EDAR: variants seen among roughly 807,000 people sequenced by gnomAD.
EDAR encodes ectodysplasin A receptor, also known as tumor necrosis factor receptor superfamily member EDAR.
In EDAR, 38 loss-of-function variants were observed where a neutral mutation model predicts 51.3. That is an observed-to-expected ratio of 0.74 (90% CI 0.57 to 0.97). The LOEUF is 0.97. EDAR is among the 50% of genes least tolerant of loss of function. The pLI, the probability that EDAR is intolerant of heterozygous loss-of-function variation, is 0.00. For missense variants in EDAR, 528 were observed against 595.0 expected, an observed-to-expected ratio of 0.89 and a Z score of 1.17; for synonymous variants, 227 against 242.1, an observed-to-expected ratio of 0.94 and a Z score of 0.58.
chr2:108,976,446 G>C (rs1018181252), intron 1 of EDAR, among the ~76,000 whole-genome samples: 2 of 152,196 alleles, frequency 1.3e-5, no homozygotes, highest in Non-Finnish European at 2.9e-5. Context: ...ATGAAGCAGT[G>C]ACTGGCAGGA....
intron 1 of EDAR, among the ~76,000 whole-genome samples, chr2:108,980,143 C>A (rs1158961947): frequency 6.6e-6 from 1 of 152,102 alleles, no homozygotes; most frequent in Non-Finnish European, 1.5e-5. Flanking sequence ...AAGTCACTCA[C>A]CACTTTCTCT....
chr2:108,959,077 C>T (rs537944020), intron 1 of EDAR, among the ~76,000 whole-genome samples: 6 of 152,318 alleles, frequency 3.9e-5, no homozygotes, highest in East Asian at 3.9e-4. Flanking sequence ...GCCAGAAAAA[C>T]GTGTATCAAC....
intron 1 of EDAR, among the ~76,000 whole-genome samples, chr2:108,955,155 A>G (rs1697895241): frequency 1.3e-5 from 2 of 152,184 alleles, no homozygotes; most frequent in Non-Finnish European, 2.9e-5. Flanking sequence ...TTTACTAGCT[A>G]TGCAACTTTG....
intron 6 of EDAR, among the ~76,000 whole-genome samples, chr2:108,911,394 G>C (rs903272636): frequency 6.6e-6 from 1 of 152,176 alleles, no homozygotes; most frequent in Non-Finnish European, 1.5e-5. Flanking sequence ...TGGAGAGGAA[G>C]AAAGGCCAGT....
chr2:108,975,595 C>T (rs1156403864), intron 1 of EDAR, among the ~76,000 whole-genome samples: 1 of 152,166 alleles, frequency 6.6e-6, no homozygotes, highest in East Asian at 1.9e-4. Flanking sequence ...GGAAGCAGGG[C>T]AGCAGCTTTG....
Position 108,921,696 on chromosome 2 carries a change from C to G in EDAR, c.442+1672G>C, listed in dbSNP as rs570307115. Among the ~76,000 whole-genome samples, 4 of 152,284 alleles carry G rather than the reference C, an allele frequency of 2.6e-5. No individual in the cohort carries two copies. The South Asian group carries it at 8.3e-4, about 32-fold the overall frequency. On this transcript the variant is annotated intron_variant, in intron 5 of 11. Coordinates refer to ENST00000258443, the MANE Select transcript of EDAR (RefSeq NM_022336.4). ...AGTAAAGAGATCTCTGGATTGAGAC[C>G]AGGGCAGGCCCAGGGGTGGAGGGCA...
At chr2:108,966,204 T>C (rs1698148374) in intron 1 of EDAR, among the ~76,000 whole-genome samples, 1 of 152,218 alleles carries the variant, frequency 6.6e-6, no homozygotes, top group Non-Finnish European at 1.5e-5. Context: ...GTATCAAATT[T>C]CAAGAATGCA....
intron 1 of EDAR, among the ~76,000 whole-genome samples, chr2:108,963,478 A>C (rs889712771): frequency 6.6e-5 from 10 of 152,186 alleles, no homozygotes; most frequent in Non-Finnish European, 4.4e-5. Context: ...TGTAAGAGAT[A>C]ATACAGAGAG....
intron 1 of EDAR, among the ~76,000 whole-genome samples, chr2:108,944,537 C>G (rs1344006915): frequency 2.0e-5 from 3 of 152,156 alleles, no homozygotes; most frequent in Non-Finnish European, 4.4e-5. Context: ...GTGGGTGAAG[C>G]AGGCTCTCCT....
At chr2:108,911,339 G>T (rs1348961288) in intron 6 of EDAR, among the ~76,000 whole-genome samples, 1 of 152,200 alleles carries the variant, frequency 6.6e-6, no homozygotes, top group Non-Finnish European at 1.5e-5. Flanking sequence ...TAGGGAGTTT[G>T]CTCTTGCTTC....
chr2:108,980,971 G>A (rs886090776), intron 1 of EDAR, among the ~76,000 whole-genome samples: 6 of 62,762 alleles, frequency 9.6e-5, no homozygotes, highest in Non-Finnish European at 2.9e-4. Flanking sequence ...ACCTCTGACG[G>A]ACTAGACCGT....
intron 1 of EDAR, among the ~76,000 whole-genome samples, chr2:108,988,682 T>C (rs1360285700): frequency 6.6e-6 from 1 of 152,098 alleles, no homozygotes; most frequent in Non-Finnish European, 1.5e-5. Flanking sequence ...GTAGCCCAAA[T>C]CTTAAAGCCT....
intron 9 of EDAR, among the ~76,000 whole-genome samples, chr2:108,910,241 G>C (rs1233956982): frequency 6.6e-6 from 1 of 152,212 alleles, no homozygotes; most frequent in Non-Finnish European, 1.5e-5. Context: ...GCAGGGACAG[G>C]GGCCTGACCC....
At chr2:108,907,247 C>A (rs1696824882) in intron 10 of EDAR, among the ~76,000 whole-genome samples, 1 of 152,112 alleles carries the variant, frequency 6.6e-6, no homozygotes, top group African/African-American at 2.4e-5. Flanking sequence ...TAGATAAAAC[C>A]CCGTATATTT....
At chr2:108,980,524 A>G (rs1558845757) in intron 1 of EDAR, among the ~76,000 whole-genome samples, 1 of 152,204 alleles carries the variant, frequency 6.6e-6, no homozygotes, top group Non-Finnish European at 1.5e-5. Context: ...GTATATATTT[A>G]CATATATATA....
chr2:108,962,892 C>T (rs533610785), intron 1 of EDAR, among the ~76,000 whole-genome samples: 1 of 152,110 alleles, frequency 6.6e-6, no homozygotes, highest in Non-Finnish European at 1.5e-5. Context: ...CAAAGATCTA[C>T]AAACAAGAGA....
chr2:108,969,533 T>C (rs1698203301), intron 1 of EDAR, among the ~76,000 whole-genome samples: 1 of 152,250 alleles, frequency 6.6e-6, no homozygotes, highest in Non-Finnish European at 1.5e-5. Flanking sequence ...AGCAGACCTT[T>C]ATATGCTATT....
intron 1 of EDAR, among the ~76,000 whole-genome samples, chr2:108,968,437 C>A (rs1698184458): frequency 6.6e-6 from 1 of 152,090 alleles, no homozygotes; most frequent in African/African-American, 2.4e-5. Flanking sequence ...ATTTTCTGTT[C>A]ATTATGGGGA....
At chr2:108,973,501 G>A (rs559365338) in intron 1 of EDAR, among the ~76,000 whole-genome samples, 12 of 152,148 alleles carry the variant, frequency 7.9e-5, no homozygotes, top group Non-Finnish European at 1.3e-4. Flanking sequence ...AGGATGCCAA[G>A]GGCCTGAACC....
Sources: gnomAD v4.1 joint callset for allele counts (sites outside exome capture counted in the v4.1 genomes callset) on GRCh38, gnomAD v4.1.1 for gene constraint, MANE v1.5 for transcripts, NCBI Gene and HGNC (gene_info 2026-07-23, HGNC 2026-07-21) for gene names.